The following ETFA variants were observed in gnomAD, a reference collection of about 807,000 sequenced individuals.
ETFA encodes electron transfer flavoprotein subunit alpha.
ETFA carries 22 observed loss-of-function variants against 46.2 expected under a neutral mutation model. The ratio of observed to expected loss-of-function variants is 0.48; its 90% CI spans 0.34 to 0.68. ETFA has a LOEUF of 0.68. Among genes scored for constraint, ETFA ranks in the 30% least tolerant of loss-of-function variants. ETFA has a pLI of 0.01. For missense variants in ETFA, 345 were observed against 401.1 expected (o/e 0.86, Z 1.19); for synonymous variants, 131 against 139.9 (o/e 0.94, Z 0.45).
At chr15:76,267,883 G>A (rs1388431951) in intron 9 of ETFA, among the ~76,000 whole-genome samples, 2 of 152,214 alleles carry the variant, frequency 1.3e-5, no homozygotes, top group Non-Finnish European at 2.9e-5. Flanking sequence ...AAGACGATTT[G>A]CTTGTGTCTC....
intron 9 of ETFA, chr15:76,260,570 G>A: frequency 1.3e-6 from 2 of 1,495,550 alleles, no homozygotes; most frequent in Non-Finnish European, 9.2e-7. Flanking sequence ...CTGTCAAATT[G>A]GCCCTGGTCC....
intron 1 of ETFA, among the ~76,000 whole-genome samples, chr15:76,306,830 G>T (rs1262837398): frequency 6.6e-6 from 1 of 152,108 alleles, no homozygotes; most frequent in Non-Finnish European, 1.5e-5. Context: ...TTCACTTTAA[G>T]AAAGGACAAG....
intron 9 of ETFA, among the ~76,000 whole-genome samples, chr15:76,249,688 G>A (rs371556686): frequency 4.3e-4 from 64 of 147,288 alleles, no homozygotes; most frequent in Admixed American, 1.9e-3. Flanking sequence ...TGATCCGCCC[G>A]CCTCGGCCTC....
chr15:76,240,879 A>G (rs1186756157), intron 9 of ETFA, among the ~76,000 whole-genome samples: 7 of 151,820 alleles, frequency 4.6e-5, no homozygotes, highest in Admixed American at 4.6e-4. Context: ...ATGTTGCCAT[A>G]CTCCAGCCTG....
At chr15:76,267,418 G>C (rs1416577994) in intron 9 of ETFA, among the ~76,000 whole-genome samples, 1 of 152,182 alleles carries the variant, frequency 6.6e-6, no homozygotes, top group Admixed American at 6.5e-5. Context: ...AGAATGGCAA[G>C]TTAATTTGGC....
At chr15:76,252,808 A>G (rs1050676695) in intron 9 of ETFA, among the ~76,000 whole-genome samples, 1 of 151,992 alleles carries the variant, frequency 6.6e-6, no homozygotes, top group Non-Finnish European at 1.5e-5. Context: ...GGAAATACAT[A>G]CTGAGGTCTT....
chr15:76,305,711 T>C (rs2039932613), intron 1 of ETFA, among the ~76,000 whole-genome samples: 1 of 152,206 alleles, frequency 6.6e-6, no homozygotes, highest in Admixed American at 6.5e-5. Context: ...CCAACTCTTA[T>C]TACCTCACCT....
intron 9 of ETFA, among the ~76,000 whole-genome samples, chr15:76,249,780 T>G (rs557129370): frequency 6.6e-6 from 1 of 152,168 alleles, no homozygotes; most frequent in African/African-American, 2.4e-5. Flanking sequence ...GGACACTAAG[T>G]ACAGTTACCT....
At chr15:76,224,279 G>A (rs902042556) in intron 11 of ETFA, among the ~76,000 whole-genome samples, 6 of 152,052 alleles carry the variant, frequency 3.9e-5, no homozygotes, top group African/African-American at 1.2e-4. Context: ...TACACACTTG[G>A]GCCAGGCAAC....
intron 1 of ETFA, among the ~76,000 whole-genome samples, chr15:76,300,582 T>C (rs925020357): frequency 2.0e-5 from 3 of 152,184 alleles, no homozygotes; most frequent in African/African-American, 7.2e-5. Flanking sequence ...GTTTCTAACC[T>C]ACAATTCTGC....
chr15:76,297,556 C>T (rs1281175354), intron 1 of ETFA, among the ~76,000 whole-genome samples: 1 of 151,744 alleles, frequency 6.6e-6, no homozygotes, highest in Non-Finnish European at 1.5e-5. Flanking sequence ...AGAAAAAATC[C>T]AAGATTTGGT....
intron 9 of ETFA, among the ~76,000 whole-genome samples, chr15:76,240,448 C>T (rs1170288676): frequency 6.6e-6 from 1 of 152,192 alleles, no homozygotes; most frequent in Non-Finnish European, 1.5e-5. Context: ...CACATCTAGT[C>T]TAATATGTCC....
intron 11 of ETFA, among the ~76,000 whole-genome samples, chr15:76,216,828 G>C (rs901493506): frequency 2.1e-5 from 3 of 146,224 alleles, no homozygotes; most frequent in African/African-American, 7.6e-5. Flanking sequence ...TCATTGCCTA[G>C]GTGCCTTTTG....
At chr15:76,260,865 A>G in intron 9 of ETFA, 1 of 1,611,782 alleles carries the variant, frequency 6.2e-7, no homozygotes, top group Non-Finnish European at 8.5e-7. Context: ...CAGGCAGGTA[A>G]AGGGGGGCAC....
chr15:76,306,456 G>C (rs534267131), intron 1 of ETFA, among the ~76,000 whole-genome samples: 2 of 151,302 alleles, frequency 1.3e-5, no homozygotes, highest in African/African-American at 2.4e-5. Context: ...TAGTAGAGAC[G>C]GGTTTCACCA....
intron 5 of ETFA, among the ~76,000 whole-genome samples, chr15:76,287,332 T>C (rs968775362): frequency 2.0e-5 from 3 of 152,120 alleles, no homozygotes; most frequent in African/African-American, 7.2e-5. Context: ...CTAGCTAATT[T>C]ATTTTATTTA....
intron 9 of ETFA, among the ~76,000 whole-genome samples, chr15:76,232,228 CT>C (rs754356474): frequency 6.6e-6 from 1 of 152,196 alleles, no homozygotes; most frequent in Non-Finnish European, 1.5e-5. Context: ...TTTACAGTGC[CT>C]TTGTTTGAAA....
intron 11 of ETFA, among the ~76,000 whole-genome samples, chr15:76,222,020 A>G (rs11072578): frequency 0.26 from 39,870 of 151,880 alleles, 5,928 homozygotes; most frequent in East Asian, 0.56. Flanking sequence ...GCAATTTAAA[A>G]TTTTCACACA....
At chr15:76,286,551 G>T in intron 5 of ETFA, 70 bp from the exon 6 acceptor site, 1 of 907,142 alleles carries the variant, frequency 1.1e-6, no homozygotes, top group Non-Finnish European at 1.8e-6. Flanking sequence ...TTTGATGCTT[G>T]GAATTTACTT....
Sources: allele counts gnomAD v4.1 joint callset (sites outside exome capture counted in the v4.1 genomes callset), GRCh38; gene constraint gnomAD v4.1.1; transcripts MANE v1.5; gene names NCBI Gene and HGNC (gene_info 2026-07-23, HGNC 2026-07-21).